CTNNA3: variants seen among roughly 807,000 people sequenced by gnomAD.
CTNNA3 encodes the protein catenin alpha 3.
CTNNA3 carries 76 observed loss-of-function variants against 95.7 expected under a neutral mutation model. That is an observed-to-expected ratio of 0.79 (90% CI 0.66 to 0.96). CTNNA3 has a LOEUF of 0.96. CTNNA3 is among the 40% of genes least tolerant of loss of function. The probability of loss-of-function intolerance (pLI) is 0.00; values close to 1 mark genes in which losing one functional copy is unlikely to be tolerated. For missense variants in CTNNA3, 1,191 were observed against 1,089.8 expected (o/e 1.09, Z -1.31); for synonymous variants, 431 against 374.4 (o/e 1.15, Z -1.74).
intron 13 of CTNNA3, among the ~76,000 whole-genome samples, chr10:66,191,112 A>C (rs933919630): frequency 6.6e-6 from 1 of 152,158 alleles, no homozygotes; most frequent in Non-Finnish European, 1.5e-5. Flanking sequence ...GAGCATTTTG[A>C]CACTAACAAA....
At chr10:67,112,235 C>T (rs1858945084) in intron 7 of CTNNA3, among the ~76,000 whole-genome samples, 1 of 152,092 alleles carries the variant, frequency 6.6e-6, no homozygotes, top group South Asian at 2.1e-4. Context: ...CATATGCTTC[C>T]ATTAAAATTT....
chr10:67,170,227 C>T (rs941274891), intron 7 of CTNNA3, among the ~76,000 whole-genome samples: 1 of 152,146 alleles, frequency 6.6e-6, no homozygotes, highest in African/African-American at 2.4e-5. Flanking sequence ...CCTCAAAGAA[C>T]TAAAAGCAGA....
At chr10:66,497,957 T>G (rs1486611934) in intron 11 of CTNNA3, among the ~76,000 whole-genome samples, 1 of 152,118 alleles carries the variant, frequency 6.6e-6, no homozygotes. Flanking sequence ...CAAAAATCTA[T>G]GCTTATAGCT....
chr10:66,407,493 T>G (rs936069362), intron 11 of CTNNA3, among the ~76,000 whole-genome samples: 8 of 152,100 alleles, frequency 5.3e-5, no homozygotes, highest in African/African-American at 1.4e-4. Flanking sequence ...ATTTGAATAT[T>G]CCTTTTCTTT....
chr10:66,934,756 A>G (rs1847595882), intron 7 of CTNNA3, among the ~76,000 whole-genome samples: 1 of 152,182 alleles, frequency 6.6e-6, no homozygotes, highest in African/African-American at 2.4e-5. Flanking sequence ...GGTAAAATAT[A>G]GTTTTTTTGG....
At chr10:66,982,411 C>A (rs1007029301) in intron 7 of CTNNA3, among the ~76,000 whole-genome samples, 14 of 152,238 alleles carry the variant, frequency 9.2e-5, no homozygotes, top group African/African-American at 3.1e-4. Context: ...AGTTTTTTCA[C>A]CTCTAACCAA....
intron 1 of CTNNA3, among the ~76,000 whole-genome samples, chr10:67,751,547 T>TA (rs140377462): frequency 0.11 from 16,256 of 146,582 alleles, 1,147 homozygotes; most frequent in African/African-American, 0.21. Context: ...ATAATGATCG[T>TA]AAAAAAAAAA....
chr10:67,631,709 G>A (rs1408670570), intron 2 of CTNNA3, among the ~76,000 whole-genome samples: 3 of 152,110 alleles, frequency 2.0e-5, no homozygotes, highest in Admixed American at 2.0e-4. Flanking sequence ...CTTTGTAACA[G>A]TAGCCAAAAT....
intron 16 of CTNNA3, among the ~76,000 whole-genome samples, chr10:65,972,499 C>A (rs2078124752): frequency 6.6e-6 from 1 of 152,088 alleles, no homozygotes; most frequent in Non-Finnish European, 1.5e-5. Context: ...TTTTAGGATA[C>A]AAAATCATTG....
chr10:67,414,316 C>A (rs1845474074), intron 5 of CTNNA3, among the ~76,000 whole-genome samples: 1 of 151,942 alleles, frequency 6.6e-6, no homozygotes, highest in Non-Finnish European at 1.5e-5. Flanking sequence ...TCTAGGCACA[C>A]AAATTAGAAA....
intron 16 of CTNNA3, among the ~76,000 whole-genome samples, chr10:65,978,904 A>G (rs2078262565): frequency 6.6e-6 from 1 of 152,166 alleles, no homozygotes; most frequent in African/African-American, 2.4e-5. Flanking sequence ...AACACAGAAC[A>G]GAGAAGGTAC....
In CTNNA3 at chr10:66,476,305, C is replaced by A. The variant is rs530122711; in HGVS notation, c.1531+44312G>T. Among the ~76,000 whole-genome samples the A allele has an allele frequency of 1.3e-3, 194 of 152,148 alleles. 2 individuals carry two copies. In the South Asian group the frequency reaches 0.013, roughly 10 times the overall value. On this transcript the variant is annotated intron_variant, in intron 11 of 17. Transcript: ENST00000433211. ...GTGATGGGTTGACAGGTGTGACAAA[C>A]CACCATGGCACATGTTTACCTATGT... is the stretch of plus-strand genomic sequence containing the variant.
chr10:67,568,541 A>T (rs1254427239), intron 3 of CTNNA3, among the ~76,000 whole-genome samples: 2 of 151,564 alleles, frequency 1.3e-5, no homozygotes, highest in African/African-American at 4.9e-5. Context: ...ATGCATATTT[A>T]TATGCACACA....
chr10:66,585,031 G>A (rs528565234), intron 10 of CTNNA3, among the ~76,000 whole-genome samples: 1 of 152,128 alleles, frequency 6.6e-6, no homozygotes, highest in Non-Finnish European at 1.5e-5. Context: ...GGCTTATAAG[G>A]TTTCTGCTGA....
intron 3 of CTNNA3, among the ~76,000 whole-genome samples, chr10:67,584,838 G>C (rs1842566277): frequency 6.6e-6 from 1 of 152,236 alleles, no homozygotes; most frequent in Admixed American, 6.5e-5. Context: ...CAATGAGCGA[G>C]GCTCCATGGG....
intron 14 of CTNNA3, among the ~76,000 whole-genome samples, chr10:66,095,144 GC>G (rs1306775050): frequency 2.6e-5 from 4 of 152,136 alleles, no homozygotes; most frequent in Non-Finnish European, 5.9e-5. Flanking sequence ...AGAATCACAT[GC>G]CTACATATGA....
chr10:66,292,127 T>C (rs2091693355), intron 12 of CTNNA3, among the ~76,000 whole-genome samples: 1 of 152,018 alleles, frequency 6.6e-6, no homozygotes, highest in Non-Finnish European at 1.5e-5. Flanking sequence ...ATATCATTTA[T>C]GTGTAAACAC....
At chr10:66,368,519 C>T (rs2092729762) in intron 12 of CTNNA3, among the ~76,000 whole-genome samples, 2 of 151,850 alleles carry the variant, frequency 1.3e-5, no homozygotes, top group South Asian at 2.1e-4. Context: ...ACTGGGACTG[C>T]GTAGTTATAT....
At chr10:66,651,785 C>T (rs1845913480) in intron 9 of CTNNA3, among the ~76,000 whole-genome samples, 1 of 151,514 alleles carries the variant, frequency 6.6e-6, no homozygotes, top group African/African-American at 2.4e-5. Context: ...CCCACGCCCA[C>T]CCAGAACCCG....
Sources: allele counts gnomAD v4.1 joint callset (sites outside exome capture counted in the v4.1 genomes callset), GRCh38; gene constraint gnomAD v4.1.1; transcripts MANE v1.5; gene names NCBI Gene and HGNC (gene_info 2026-07-23, HGNC 2026-07-21).